The following RBFOX3 variants were observed in gnomAD, a reference collection of about 807,000 sequenced individuals.
RBFOX3 encodes RNA binding fox-1 homolog 3.
In RBFOX3, 17 loss-of-function variants were observed where a neutral mutation model predicts 48.7. The ratio of observed to expected loss-of-function variants is 0.35; its 90% CI spans 0.24 to 0.52. The LOEUF (loss-of-function observed/expected upper bound fraction) is 0.52, where lower values mean the gene tolerates loss of function less well. Among genes scored for constraint, RBFOX3 ranks in the 20% least tolerant of loss-of-function variants. RBFOX3 has a pLI of 0.94. For missense variants in RBFOX3, 382 were observed against 497.5 expected (o/e 0.77, Z 2.21); for synonymous variants, 212 against 209.5 (o/e 1.01, Z -0.10).
chr17:79,557,389 C>G (rs1238047496), intron 1 of RBFOX3, among the ~76,000 whole-genome samples: 1 of 150,934 alleles, frequency 6.6e-6, no homozygotes, highest in African/African-American at 2.4e-5. Context: ...ATGGAGAAGC[C>G]AACAAGGGCC....
At chr17:79,165,705 C>T (rs1397923904) in intron 4 of RBFOX3, among the ~76,000 whole-genome samples, 2 of 152,234 alleles carry the variant, frequency 1.3e-5, no homozygotes, top group African/African-American at 4.8e-5. Flanking sequence ...TGCACAAGGG[C>T]TTGGGGTCTA....
At position 79,299,711 on chromosome 17, in the gene RBFOX3, G is replaced by T. The variant is rs912579877; in HGVS notation, c.-74+8013C>A. On this transcript the variant is annotated intron_variant, in intron 3 of 14. Coordinates refer to ENST00000693108, the MANE Select transcript of RBFOX3 (RefSeq NM_001350451.2). The surrounding 1 kb of genome is among the most constrained non-coding windows in gnomAD (Gnocchi z 4.5). Reference sequence around the variant, plus strand: ...ATTTGGTTAAACTGAGTTAATTAGGGTGAGTCTTAATCCAAAGTGACTGTT... The same window carrying T: ...ATTTGGTTAAACTGAGTTAATTAGGTTGAGTCTTAATCCAAAGTGACTGTT... Among the ~76,000 whole-genome samples, 2 of 152,246 alleles carry T rather than the reference G, an allele frequency of 1.3e-5. No individual in the cohort carries two copies. Among genetic ancestry groups the T allele is most frequent in the South Asian group, 4.1e-4 (2 of 4,824 alleles).
chr17:79,221,041 C>T (rs774032644), intron 4 of RBFOX3, among the ~76,000 whole-genome samples: 19 of 152,356 alleles, frequency 1.2e-4, no homozygotes, highest in Non-Finnish European at 2.1e-4. Flanking sequence ...ACTAACCCAC[C>T]CTGCTGGGGG....
In RBFOX3 at chr17:79,110,757, G is replaced by A. The variant is rs574579305; in HGVS notation, c.223-3969C>T. 3.3e-5 allele frequency among the ~76,000 whole-genome samples: 5 copies of A among 152,322 alleles called. No individual in the cohort carries two copies. The South Asian group carries it at 1.0e-3, about 32-fold the overall frequency. On this transcript the variant is annotated intron_variant, in intron 5 of 14. Transcript: ENST00000693108. ...AGCTGTTGGCTCCCACGTGGCATTT[G>A]AAGAACACAGGATTTCAAGCCCCTC...
At chr17:79,457,652 C>T (rs1297438965) in intron 2 of RBFOX3, among the ~76,000 whole-genome samples, 1 of 152,176 alleles carries the variant, frequency 6.6e-6, no homozygotes, top group African/African-American at 2.4e-5. Context: ...GGTCTCTGCT[C>T]CCAAAGAGAT....
chr17:79,518,530 T>G (rs1029050725), intron 1 of RBFOX3, among the ~76,000 whole-genome samples: 26 of 152,290 alleles, frequency 1.7e-4, no homozygotes, highest in African/African-American at 5.8e-4. Context: ...CATACCCACG[T>G]GGGGGAAACA....
Position 79,103,294 on chromosome 17 carries a change from GGACACAGGGCGAGAAAGAGGAGGAA to G in RBFOX3, c.415-65_415-41del. The G allele has an allele frequency of 7.1e-7, 1 of 1,399,224 alleles. No homozygotes were observed. Among genetic ancestry groups the G allele is most frequent in the Non-Finnish European group, 9.9e-7 (1 of 1,008,584 alleles). The allele number at this position is 1,399,224 out of a possible 1,614,324, so 86.7% of individuals were successfully genotyped here. A position where few individuals can be genotyped will look rare whatever the true frequency, so the allele number is the denominator to read the frequency against. On this transcript the variant is annotated intron_variant, in intron 7 of 14. Transcript: ENST00000693108. The surrounding 1 kb of genome is among the most constrained non-coding windows in gnomAD (Gnocchi z 6.1). ...GAGGGAAGGACAGGCACGGAGAGGA[GGACACAGGGCGAGAAAGAGGAGGAA>G]GACGAGGAAGAAGAGGAGTGGGAGG...
chr17:79,499,566 G>T (rs1468047346), intron 1 of RBFOX3, among the ~76,000 whole-genome samples: 1 of 152,238 alleles, frequency 6.6e-6, no homozygotes, highest in African/African-American at 2.4e-5. Flanking sequence ...TACAAAGCCT[G>T]AAATGTGAGG....
chr17:79,597,881 C>A (rs906490179), intron 1 of RBFOX3, among the ~76,000 whole-genome samples: 1 of 152,226 alleles, frequency 6.6e-6, no homozygotes. Context: ...GCATTTAGGG[C>A]AAACAGCTGG....
At chr17:79,190,568 TC>T (rs2054313563) in intron 4 of RBFOX3, among the ~76,000 whole-genome samples, 1 of 152,096 alleles carries the variant, frequency 6.6e-6, no homozygotes, top group African/African-American at 2.4e-5. Flanking sequence ...ACACGTGCTC[TC>T]TTTTTTTTCC....
intron 2 of RBFOX3, among the ~76,000 whole-genome samples, chr17:79,451,145 A>C (rs2073418466): frequency 6.6e-6 from 1 of 152,198 alleles, no homozygotes; most frequent in Non-Finnish European, 1.5e-5. Context: ...TTTGCTATCG[A>C]AAGGCACAAT....
chr17:79,294,073 T>C (rs767742684), intron 3 of RBFOX3, among the ~76,000 whole-genome samples: 1 of 152,222 alleles, frequency 6.6e-6, no homozygotes, highest in Admixed American at 6.5e-5. Context: ...AGATTCATAC[T>C]GCAGCCTACT....
intron 3 of RBFOX3, among the ~76,000 whole-genome samples, chr17:79,301,195 G>A (rs976447726): frequency 3.9e-5 from 6 of 152,196 alleles, no homozygotes; most frequent in African/African-American, 2.4e-5. Context: ...CCCATTTAAT[G>A]TATGGGACTT....
At chr17:79,483,630 C>A (rs1236090782) in intron 1 of RBFOX3, among the ~76,000 whole-genome samples, 1 of 151,406 alleles carries the variant, frequency 6.6e-6, no homozygotes, top group African/African-American at 2.4e-5. Context: ...TGCGGATGTG[C>A]TGGATCCCGC....
At chr17:79,615,577 G>A (rs1167010777), upstream of RBFOX3, among the ~76,000 whole-genome samples, 3 of 152,156 alleles carry the variant, frequency 2.0e-5, no homozygotes, top group African/African-American at 7.2e-5. Flanking sequence ...CCCTTTCAGT[G>A]CCAGGTGAGC....
chr17:79,164,569 G>A (rs2047619214), intron 4 of RBFOX3, among the ~76,000 whole-genome samples: 1 of 152,228 alleles, frequency 6.6e-6, no homozygotes, highest in Admixed American at 6.5e-5. Context: ...AGTGAAAACG[G>A]TGCCACTGGC....
intron 14 of RBFOX3, chr17:79,091,978 G>A: frequency 1.0e-6 from 1 of 985,490 alleles, no homozygotes; most frequent in Non-Finnish European, 1.2e-6. Flanking sequence ...AAAAATATTA[G>A]TTTCAGCTGA....
chr17:79,457,357 T>A (rs55756616), intron 2 of RBFOX3, among the ~76,000 whole-genome samples: 1 of 152,118 alleles, frequency 6.6e-6, no homozygotes, highest in Non-Finnish European at 1.5e-5. Flanking sequence ...CACTGGGGTG[T>A]TGAGGGGAGG....
At chr17:79,599,915 C>G (rs1405956825) in intron 1 of RBFOX3, 5 of 152,234 alleles carry the variant, frequency 3.3e-5, no homozygotes, top group African/African-American at 1.2e-4. Flanking sequence ...AATGGCAAGT[C>G]TCCCACGCGG....
Sources: gnomAD v4.1 joint callset for allele counts (sites outside exome capture counted in the v4.1 genomes callset) on GRCh38, gnomAD v4.1.1 for gene constraint, Gnocchi (gnomAD v3.1) non-coding constraint, MANE v1.5 for transcripts, NCBI Gene and HGNC (gene_info 2026-07-23, HGNC 2026-07-21) for gene names.